The following NPHP1 variants were observed in gnomAD, a reference collection of about 807,000 sequenced individuals.
NPHP1 encodes nephrocystin-1.
In NPHP1, 70 loss-of-function variants were observed where a neutral mutation model predicts 90.4. The observed-to-expected ratio is 0.77, with a 90% confidence interval of 0.64 to 0.95. The LOEUF is 0.95. Among genes scored for constraint, NPHP1 ranks in the 40% least tolerant of loss-of-function variants. NPHP1 has a pLI of 0.00. For synonymous variants in NPHP1, 256 were observed against 271.7 expected (o/e 0.94, Z 0.57); for missense variants, 764 against 795.9 (o/e 0.96, Z 0.48).
intron 2 of NPHP1, chr2:110,184,865 A>C: frequency 1.4e-6 from 1 of 699,750 alleles, no homozygotes. Context: ...GCTGCTCTTC[A>C]GGCCAGACTT....
Position 110,164,723 on chromosome 2 carries a change from G to T in NPHP1, c.736C>A (p.Pro246Thr). The T allele has an allele frequency of 6.2e-7, 1 of 1,613,830 alleles. No individual in the cohort carries two copies. The highest frequency in any genetic ancestry group is 8.5e-7 in the Non-Finnish European group (1 of 1,179,750). Residue 246 changes from proline to threonine, a missense_variant, in exon 8 of 20, where the codon CCC becomes ACC. Pro to Thr is a conservative substitution (Grantham distance 38). Coordinates refer to ENST00000445609, the MANE Select transcript of NPHP1 (RefSeq NM_001128178.3). ...GCTTTCTGAACAGCACTCCAGTGGG[G>T]ATCAGTTCTGGGGAGACAAAATAGC... ...DGAEVKQRTD[P>T]HWSAVQKAIS...
At chr2:110,134,074 T>C (rs2104445565) in intron 16 of NPHP1, among the ~76,000 whole-genome samples, 1 of 152,082 alleles carries the variant, frequency 6.6e-6, no homozygotes, top group Admixed American at 6.5e-5. Context: ...AAAGCAAGAC[T>C]CTGTTCTTTG....
intron 8 of NPHP1, 55 bp from the exon 9 acceptor site, chr2:110,163,190 A>G (rs1682474368): frequency 1.3e-5 from 16 of 1,222,594 alleles, no homozygotes; most frequent in Non-Finnish European, 1.8e-5. Context: ...CTGCATCTCT[A>G]TAATACTTTA....
chr2:110,165,142 T>G lies in NPHP1; in HGVS notation c.638A>C (p.Glu213Ala). ...TTCACTTGACTCTTGGCCTTCTTCTTCTTCACTATAAGGCTAAAAAACCAT... is the reference window on the plus strand; with the variant it reads ...TTCACTTGACTCTTGGCCTTCTTCTGCTTCACTATAAGGCTAAAAAACCAT... Reference protein sequence around the residue: ...PRTYLEPYSEEEEGQESSEEG... With the variant: ...PRTYLEPYSEAEEGQESSEEG... The change falls in exon 7 of 20, where the codon GAA becomes GCA. Residue 213 changes from glutamate to alanine, a missense_variant. By Grantham distance (107) the Glu-to-Ala change is moderately radical (BLOSUM62 -1). Coordinates refer to ENST00000445609, the MANE Select transcript of NPHP1 (RefSeq NM_001128178.3). 1 of 1,612,792 alleles carries G rather than the reference T, an allele frequency of 6.2e-7. No homozygotes were observed. Among genetic ancestry groups the G allele is most frequent in the Non-Finnish European group, 8.5e-7 (1 of 1,178,872 alleles).
At chr2:110,125,592 C>T (rs375788803) in intron 19 of NPHP1, 45 bp downstream of exon 19, 32 of 1,519,328 alleles carry the variant, frequency 2.1e-5, no homozygotes, top group Non-Finnish European at 2.8e-5. Flanking sequence ...AAGCAAACAC[C>T]AGGTACTGCA....
intron 5 of NPHP1, among the ~76,000 whole-genome samples, chr2:110,169,388 G>A (rs1011290655): frequency 6.6e-6 from 1 of 152,012 alleles, no homozygotes; most frequent in Non-Finnish European, 1.5e-5. Context: ...TGTCCCACCT[G>A]CCACTTATTT....
intron 1 of NPHP1, among the ~76,000 whole-genome samples, chr2:110,202,962 A>G (rs1685668329): frequency 6.6e-6 from 1 of 152,180 alleles, no homozygotes; most frequent in African/African-American, 2.4e-5. Context: ...CCAAAATGTC[A>G]CATGCATGTG....
chr2:110,128,962 T>C, intron 18 of NPHP1: 1 of 574,816 alleles, frequency 1.7e-6, no homozygotes, highest in East Asian at 2.9e-5. Flanking sequence ...ATTGCAATAG[T>C]GTACATAGCA....
At chr2:110,146,633 T>A in intron 14 of NPHP1, 120 bp downstream of exon 14, 1 of 754,412 alleles carries the variant, frequency 1.3e-6, no homozygotes. Context: ...AAAGTCAACA[T>A]AAAAAGTCCT....
intron 11 of NPHP1, among the ~76,000 whole-genome samples, chr2:110,153,721 A>G (rs1419324990): frequency 6.6e-6 from 1 of 152,048 alleles, no homozygotes; most frequent in Non-Finnish European, 1.5e-5. Flanking sequence ...GTAGCTCACA[A>G]CTGTAATCTC....
At chr2:110,130,491 G>A (rs532953894) in intron 17 of NPHP1, among the ~76,000 whole-genome samples, 15 of 152,248 alleles carry the variant, frequency 9.9e-5, no homozygotes, top group Non-Finnish European at 1.3e-4. Flanking sequence ...AGGCTTACCC[G>A]TCCTCCCCCT....
At chr2:110,190,715 T>C (rs1383663551) in intron 2 of NPHP1, among the ~76,000 whole-genome samples, 1 of 152,028 alleles carries the variant, frequency 6.6e-6, no homozygotes, top group Non-Finnish European at 1.5e-5. Flanking sequence ...GCGCCAAGAG[T>C]GAGCGAGGGC....
chr2:110,176,299 G>C (rs1683502601), intron 4 of NPHP1, among the ~76,000 whole-genome samples: 1 of 151,890 alleles, frequency 6.6e-6, no homozygotes, highest in Non-Finnish European at 1.5e-5. Flanking sequence ...GTTATAGAAT[G>C]TTCATTTGAT....
chr2:110,203,956 AAAG>A (rs1232799748), intron 1 of NPHP1, among the ~76,000 whole-genome samples: 2 of 152,114 alleles, frequency 1.3e-5, no homozygotes, highest in Admixed American at 1.3e-4. Flanking sequence ...TAAATATGAA[AAAG>A]AATAAAGAAA....
At chr2:110,150,900 T>C (rs1008667268) in intron 11 of NPHP1, among the ~76,000 whole-genome samples, 1 of 149,086 alleles carries the variant, frequency 6.7e-6, no homozygotes, top group African/African-American at 2.5e-5. Context: ...GCACAGTGGC[T>C]CACGACTGTA....
At chr2:110,125,808 A>G (rs1443686263) in intron 18 of NPHP1, 127 bp from the exon 19 acceptor site, 8 of 788,354 alleles carry the variant, frequency 1.0e-5, no homozygotes, top group Non-Finnish European at 1.6e-5. Flanking sequence ...CTATACAAGC[A>G]AGAAGTGAAT....
intron 11 of NPHP1, among the ~76,000 whole-genome samples, chr2:110,154,171 G>A (rs569175708): frequency 1.3e-5 from 2 of 152,092 alleles, no homozygotes; most frequent in African/African-American, 4.8e-5. Flanking sequence ...AGTCTCATGA[G>A]ATCTGATGAT....
intron 18 of NPHP1, 108 bp from the exon 19 acceptor site, chr2:110,125,789 G>T (rs1005759842): frequency 1.1e-6 from 1 of 906,950 alleles, no homozygotes; most frequent in Non-Finnish European, 1.8e-6. Context: ...TAAAAATGCT[G>T]TACAGATTCT....
In NPHP1 at chr2:110,161,746, A is replaced by G. The variant is rs1298850795; in HGVS notation, c.860-49T>C. On this transcript the variant is annotated intron_variant, in intron 9 of 19. Transcript: ENST00000445609. ...TTTTCTTACAAAGAAAGAAACTCCAAATCAAAAATCCATAATGTTATGCTA... is the reference window on the plus strand; with the variant it reads ...TTTTCTTACAAAGAAAGAAACTCCAGATCAAAAATCCATAATGTTATGCTA... 5 of 1,336,754 alleles carry G rather than the reference A, an allele frequency of 3.7e-6. No homozygotes were observed. In the African/African-American group the frequency reaches 7.2e-5, roughly 19 times the overall value. 82.8% of individuals were successfully genotyped at this position (1,336,754 alleles called of 1,614,324 possible).
Sources: allele counts gnomAD v4.1 joint callset (sites outside exome capture counted in the v4.1 genomes callset), GRCh38; gene constraint gnomAD v4.1.1; transcripts MANE v1.5; gene names NCBI Gene and HGNC (gene_info 2026-07-23, HGNC 2026-07-21).